CCSER1: variants seen among roughly 807,000 people sequenced by gnomAD.
CCSER1 encodes the protein serine-rich coiled-coil domain-containing protein 1.
In CCSER1, 41 loss-of-function variants were observed where a neutral mutation model predicts 82.0. That is an observed-to-expected ratio of 0.50 (90% CI 0.39 to 0.65). The LOEUF (loss-of-function observed/expected upper bound fraction) is 0.65, where lower values mean the gene tolerates loss of function less well. Ranked by LOEUF, CCSER1 falls within the 30% of genes least tolerant of loss-of-function variation. The probability of loss-of-function intolerance (pLI) is 0.00; values close to 1 mark genes in which losing one functional copy is unlikely to be tolerated. For missense variants in CCSER1, 1,119 were observed against 1,064.2 expected (o/e 1.05, Z -0.72); for synonymous variants, 414 against 383.9 (o/e 1.08, Z -0.92).
At chr4:91,195,817 T>C (rs886322657) in intron 10 of CCSER1, among the ~76,000 whole-genome samples, 3 of 152,188 alleles carry the variant, frequency 2.0e-5, no homozygotes, top group Non-Finnish European at 4.4e-5. Context: ...CAGACGCCTT[T>C]GTTGCTCCAC....
intron 10 of CCSER1, among the ~76,000 whole-genome samples, chr4:91,540,094 T>G (rs1761509813): frequency 6.6e-6 from 1 of 152,114 alleles, no homozygotes; most frequent in Non-Finnish European, 1.5e-5. Context: ...CAAGAGCTTT[T>G]TTATGCTCAT....
chr4:90,494,634 T>A (rs1289669970), intron 5 of CCSER1, among the ~76,000 whole-genome samples: 2 of 152,188 alleles, frequency 1.3e-5, no homozygotes, highest in African/African-American at 2.4e-5. Context: ...TTATGCCCAG[T>A]TTGTAGACTT....
At chr4:90,551,706 C>CTCTCTCTCTCTCTCTCTATATATA in intron 5 of CCSER1, among the ~76,000 whole-genome samples, 14 of 104,232 alleles carry the variant, frequency 1.3e-4, no homozygotes, top group African/African-American at 4.1e-4. Context: ...CTCTCTCTCT[C>CTCTCTCTCTCTCTCTCTATATATA]TATATATATA....
chr4:90,406,681 T>C (rs1321298124), intron 4 of CCSER1, among the ~76,000 whole-genome samples: 1 of 151,994 alleles, frequency 6.6e-6, no homozygotes, highest in Non-Finnish European at 1.5e-5. Context: ...TGGAATAAAA[T>C]TGGAAATCAA....
intron 10 of CCSER1, among the ~76,000 whole-genome samples, chr4:91,404,087 C>G (rs1752523671): frequency 6.6e-6 from 1 of 152,104 alleles, no homozygotes; most frequent in South Asian, 2.1e-4. Flanking sequence ...TGTTATTGCT[C>G]TACTCAGGGA....
intron 5 of CCSER1, among the ~76,000 whole-genome samples, chr4:90,543,631 A>G (rs1035693577): frequency 6.6e-6 from 1 of 152,192 alleles, no homozygotes; most frequent in African/African-American, 2.4e-5. Context: ...GAGGACCTTC[A>G]TATCACAAAA....
chr4:90,241,328 A>T (rs1474876554), intron 1 of CCSER1, among the ~76,000 whole-genome samples: 1 of 152,170 alleles, frequency 6.6e-6, no homozygotes, highest in African/African-American at 2.4e-5. Context: ...ATTATATATT[A>T]TGTATACGTA....
intron 8 of CCSER1, among the ~76,000 whole-genome samples, chr4:90,818,848 A>G (rs939219281): frequency 2.0e-5 from 3 of 152,200 alleles, no homozygotes; most frequent in African/African-American, 7.2e-5. Context: ...GGTATGTTAT[A>G]GAAAAAACAT....
intron 10 of CCSER1, among the ~76,000 whole-genome samples, chr4:91,094,985 A>C (rs1724357385): frequency 6.6e-6 from 1 of 152,206 alleles, no homozygotes. Context: ...CCCACTGAGC[A>C]GGTCCAAGGT....
intron 1 of CCSER1, among the ~76,000 whole-genome samples, chr4:90,136,936 A>G (rs192722663): frequency 3.9e-5 from 6 of 152,312 alleles, no homozygotes; most frequent in African/African-American, 1.4e-4. Flanking sequence ...TAAATTAAGA[A>G]TAACTTATTT....
chr4:90,134,394 G>C (rs553431568), intron 1 of CCSER1, among the ~76,000 whole-genome samples: 1 of 152,250 alleles, frequency 6.6e-6, no homozygotes, highest in South Asian at 2.1e-4. Flanking sequence ...TGAGGACTTG[G>C]AGATGGAGGA....
chr4:91,523,255 G>A (rs1760590319), intron 10 of CCSER1, among the ~76,000 whole-genome samples: 1 of 152,180 alleles, frequency 6.6e-6, no homozygotes, highest in African/African-American at 2.4e-5. Flanking sequence ...GCTTTTTGAT[G>A]TGCTGCTGTA....
chr4:90,317,077 G>A (rs1409084070), intron 3 of CCSER1, among the ~76,000 whole-genome samples: 1 of 152,102 alleles, frequency 6.6e-6, no homozygotes, highest in Admixed American at 6.6e-5. Context: ...TTTCTTTAAA[G>A]AACTTACTTC....
chr4:90,138,361 A>G (rs13116571), intron 1 of CCSER1, among the ~76,000 whole-genome samples: 51,942 of 151,906 alleles, frequency 0.34, 11,102 homozygotes, highest in East Asian at 0.65. Context: ...CCAACTAAGA[A>G]TGACATGAAT....
chr4:90,281,092 G>A (rs1307165332), intron 1 of CCSER1, among the ~76,000 whole-genome samples: 1 of 152,012 alleles, frequency 6.6e-6, no homozygotes, highest in Non-Finnish European at 1.5e-5. Flanking sequence ...GTTGTAGTGT[G>A]GATGTTAAGA....
chr4:90,408,715 A>T (rs1754158373), intron 4 of CCSER1, among the ~76,000 whole-genome samples: 1 of 152,218 alleles, frequency 6.6e-6, no homozygotes, highest in Non-Finnish European at 1.5e-5. Flanking sequence ...AAATCTAAAA[A>T]TCAGAGCACC....
At chr4:91,294,279 G>A (rs1743990826) in intron 10 of CCSER1, among the ~76,000 whole-genome samples, 1 of 151,838 alleles carries the variant, frequency 6.6e-6, no homozygotes, top group Admixed American at 6.6e-5. Context: ...GTGCAAACTT[G>A]TACAAATTAT....
chr4:90,338,204 A>G (rs1305686452), intron 3 of CCSER1, among the ~76,000 whole-genome samples: 12 of 152,204 alleles, frequency 7.9e-5, no homozygotes, highest in African/African-American at 2.9e-4. Context: ...TTCCCACTTC[A>G]CTTGCTCCTT....
chr4:90,855,640 G>A (rs4643780), intron 8 of CCSER1, among the ~76,000 whole-genome samples: 99,490 of 151,916 alleles, frequency 0.65, 33,046 homozygotes, highest in African/African-American at 0.74. Flanking sequence ...TAACTCTAAA[G>A]TGTGTTAGGA....
Sources: allele counts gnomAD v4.1 joint callset (sites outside exome capture counted in the v4.1 genomes callset), GRCh38; gene constraint gnomAD v4.1.1; transcripts MANE v1.5; gene names NCBI Gene and HGNC (gene_info 2026-07-23, HGNC 2026-07-21).